CAMK4: variants seen among roughly 807,000 people sequenced by gnomAD.
CAMK4 encodes the protein calcium/calmodulin-dependent protein kinase type IV.
In CAMK4, 22 loss-of-function variants were observed where a neutral mutation model predicts 44.9. That is an observed-to-expected ratio of 0.49 (90% confidence interval 0.35 to 0.70). The LOEUF is 0.70. Ranked by LOEUF, CAMK4 falls within the 30% of genes least tolerant of loss-of-function variation. CAMK4 has a pLI of 0.01. For missense variants in CAMK4, 498 were observed against 586.8 expected (o/e 0.85, Z 1.56); for synonymous variants, 218 against 215.4 (o/e 1.01, Z -0.11).
Position 111,271,716 on chromosome 5 carries a change from T to G in CAMK4, c.161+47072T>G, listed in dbSNP as rs558113668. ...CCAAATATTTGGCAAGACCACATCT[T>G]AGATTTTTCATAGGCTTGTACTTCA... On this transcript the variant is annotated intron_variant, in intron 1 of 10. Transcript: ENST00000282356. Among the ~76,000 whole-genome samples the G allele has an allele frequency of 2.0e-5, 3 of 152,308 alleles. No individual in the cohort carries two copies. In the South Asian group the frequency reaches 6.2e-4, roughly 32 times the overall value.
intron 1 of CAMK4, among the ~76,000 whole-genome samples, chr5:111,271,978 C>T (rs1317077061): frequency 6.6e-6 from 1 of 152,072 alleles, no homozygotes. Flanking sequence ...TTTAAATATT[C>T]TGAGAAGTAT....
At chr5:111,356,686 T>G (rs1447459984) in intron 2 of CAMK4, among the ~76,000 whole-genome samples, 3 of 152,152 alleles carry the variant, frequency 2.0e-5, no homozygotes, top group Non-Finnish European at 4.4e-5. Context: ...TTGTATAAGG[T>G]GTAAGGAAGG....
At chr5:111,226,059 A>G (rs1489151412) in intron 1 of CAMK4, among the ~76,000 whole-genome samples, 2 of 152,204 alleles carry the variant, frequency 1.3e-5, no homozygotes, top group African/African-American at 4.8e-5. Context: ...GGGATGATCT[A>G]CTTAAAATTG....
intron 9 of CAMK4, 86 bp downstream of exon 9, chr5:111,478,593 ACCCATATTAATG>A: frequency 8.5e-6 from 5 of 586,338 alleles, no homozygotes; most frequent in Admixed American, 6.3e-5. Context: ...TTAAAATTTT[ACCCATATTAATG>A]CCATATTTTC....
intron 8 of CAMK4, among the ~76,000 whole-genome samples, chr5:111,476,317 TCTCC>T (rs1755241413): frequency 6.6e-6 from 1 of 151,820 alleles, no homozygotes; most frequent in African/African-American, 2.4e-5. Context: ...TCTTGCTCTG[TCTCC>T]CAGGCTAGAG....
At chr5:111,330,178 A>G (rs1238278667) in intron 1 of CAMK4, among the ~76,000 whole-genome samples, 2 of 151,528 alleles carry the variant, frequency 1.3e-5, no homozygotes, top group Admixed American at 1.3e-4. Context: ...TCACCATACA[A>G]AAATAAGTTG....
chr5:111,422,306 G>A (rs544925578), intron 5 of CAMK4, among the ~76,000 whole-genome samples: 1 of 152,298 alleles, frequency 6.6e-6, no homozygotes, highest in African/African-American at 2.4e-5. Context: ...ACGAGCAGGT[G>A]CTTGCCAGTT....
intron 5 of CAMK4, among the ~76,000 whole-genome samples, chr5:111,406,194 T>TTCTCTCTCTCTCTCTCTCTCTCTCTCTC (rs10524853): frequency 1.5e-5 from 2 of 136,744 alleles, no homozygotes; most frequent in African/African-American, 5.7e-5. Context: ...CTAATTTATT[T>TTCTCTCTCTCTCTCTCTCTCTCTCTCTC]TCTCTCTCTC....
intron 1 of CAMK4, among the ~76,000 whole-genome samples, chr5:111,325,000 T>C (rs1748818026): frequency 6.6e-6 from 1 of 151,628 alleles, no homozygotes; most frequent in Admixed American, 6.6e-5. Context: ...TCCCTCCCCT[T>C]CCCCCAACCC....
In CAMK4 at chr5:111,374,857, A is replaced by G; in HGVS notation, c.248A>G (p.Lys83Arg). 2.5e-6 allele frequency: 4 copies of G among 1,610,704 alleles called. No individual in the cohort carries two copies. The highest frequency in any genetic ancestry group is 3.4e-6 in the Non-Finnish European group (4 of 1,177,308). Residue 83 changes from lysine to arginine, a missense_variant, in exon 3 of 11, where the codon AAA becomes AGA. Transcript: ENST00000282356. ...TTTTATTTTGCCTTTTAGGTGGACA[A>G]AAAAATCGTAAGAACTGAGATAGGA... is the stretch of plus-strand genomic sequence containing the variant. The part of the protein sequence containing the change: ...ALKVLKKTVD[K>R]KIVRTEIGVL...
chr5:111,323,447 G>C (rs1006326052), intron 1 of CAMK4, among the ~76,000 whole-genome samples: 1 of 151,946 alleles, frequency 6.6e-6, no homozygotes, highest in Non-Finnish European at 1.5e-5. Context: ...AGCATTAAAT[G>C]CATTTTCCAC....
At chr5:111,370,714 A>C (rs1159525591) in intron 2 of CAMK4, among the ~76,000 whole-genome samples, 1 of 152,146 alleles carries the variant, frequency 6.6e-6, no homozygotes. Flanking sequence ...CAAGAGACAG[A>C]GACCATCCTG....
At chr5:111,419,269 C>T (rs1474890657) in intron 5 of CAMK4, among the ~76,000 whole-genome samples, 10 of 152,226 alleles carry the variant, frequency 6.6e-5, no homozygotes, top group South Asian at 2.1e-4. Context: ...TCAAATCCTT[C>T]GCCCACTTTT....
At chr5:111,248,402 G>A (rs1166693134) in intron 1 of CAMK4, among the ~76,000 whole-genome samples, 1 of 151,922 alleles carries the variant, frequency 6.6e-6, no homozygotes, top group East Asian at 1.9e-4. Context: ...CAGTAAGATC[G>A]AGCAGGTTCT....
At chr5:111,335,680 A>G (rs1749371928) in intron 1 of CAMK4, among the ~76,000 whole-genome samples, 1 of 151,338 alleles carries the variant, frequency 6.6e-6, no homozygotes, top group Non-Finnish European at 1.5e-5. Context: ...ATATTCAGGA[A>G]AATAAATATT....
intron 1 of CAMK4, among the ~76,000 whole-genome samples, chr5:111,261,396 C>G (rs1749967753): frequency 1.3e-5 from 2 of 152,194 alleles, no homozygotes; most frequent in African/African-American, 4.8e-5. Context: ...AGGAATATAG[C>G]TGTCACCCTA....
At chr5:111,399,449 G>A (rs1752142951) in intron 5 of CAMK4, among the ~76,000 whole-genome samples, 1 of 152,072 alleles carries the variant, frequency 6.6e-6, no homozygotes, top group Non-Finnish European at 1.5e-5. Context: ...ATTTAAAATT[G>A]AACAGTATTT....
chr5:111,424,265 C>T (rs1426074425), intron 5 of CAMK4, among the ~76,000 whole-genome samples: 2 of 152,182 alleles, frequency 1.3e-5, no homozygotes, highest in Non-Finnish European at 2.9e-5. Context: ...GACACAGGTG[C>T]ATTGCACCAG....
At chr5:111,259,453 C>T (rs1386850106) in intron 1 of CAMK4, among the ~76,000 whole-genome samples, 1 of 152,142 alleles carries the variant, frequency 6.6e-6, no homozygotes, top group African/African-American at 2.4e-5. Context: ...TTGCACTGAA[C>T]TCATGATATT....
Sources: allele counts gnomAD v4.1 joint callset (sites outside exome capture counted in the v4.1 genomes callset), GRCh38; gene constraint gnomAD v4.1.1; transcripts MANE v1.5; gene names NCBI Gene and HGNC (gene_info 2026-07-23, HGNC 2026-07-21).